The following FBXL7 variants were observed in gnomAD, a reference collection of about 807,000 sequenced individuals.
FBXL7 encodes F-box/LRR-repeat protein 7.
Under a neutral mutation model 38.3 loss-of-function variants are expected in FBXL7, and 12 were observed. That is an observed-to-expected ratio of 0.31 (90% CI 0.20 to 0.51). The LOEUF is 0.51. FBXL7 is among the 20% of genes least tolerant of loss of function. The pLI, the probability that FBXL7 is intolerant of heterozygous loss-of-function variation, is 0.98. For missense variants in FBXL7, 567 were observed against 676.4 expected (o/e 0.84, Z 1.79); for synonymous variants, 297 against 300.9 (o/e 0.99, Z 0.13).
At chr5:15,779,851 A>G (rs964201348) in intron 2 of FBXL7, among the ~76,000 whole-genome samples, 2 of 152,170 alleles carry the variant, frequency 1.3e-5, no homozygotes, top group South Asian at 2.1e-4. Flanking sequence ...AAGCAATTTC[A>G]TTTTGAAGAT....
intron 1 of FBXL7, among the ~76,000 whole-genome samples, chr5:15,560,311 ATAGT>A (rs1322765140): frequency 1.3e-5 from 2 of 152,182 alleles, no homozygotes; most frequent in East Asian, 1.9e-4. Context: ...AAATGCTATA[ATAGT>A]TAGTTAAAAT....
At chr5:15,856,513 A>G (rs1370109151) in intron 2 of FBXL7, among the ~76,000 whole-genome samples, 14 of 152,064 alleles carry the variant, frequency 9.2e-5, no homozygotes, top group South Asian at 6.2e-4. Context: ...AAGTTTACCT[A>G]TATAACAAAC....
At chr5:15,784,007 T>C (rs910331287) in intron 2 of FBXL7, among the ~76,000 whole-genome samples, 1 of 152,192 alleles carries the variant, frequency 6.6e-6, no homozygotes, top group African/African-American at 2.4e-5. Context: ...AGGTCTAGCA[T>C]GGTGGCCCCA....
At chr5:15,904,086 C>T (rs1505032) in intron 2 of FBXL7, among the ~76,000 whole-genome samples, 9,042 of 152,112 alleles carry the variant, frequency 0.059, 905 homozygotes, top group African/African-American at 0.21. Flanking sequence ...TCTAAATCTT[C>T]GTAGCTACAT....
At chr5:15,823,402 T>C (rs1318503696) in intron 2 of FBXL7, among the ~76,000 whole-genome samples, 1 of 152,240 alleles carries the variant, frequency 6.6e-6, no homozygotes, top group Non-Finnish European at 1.5e-5. Flanking sequence ...AATGGGTTTA[T>C]GTTTCAAAGC....
At chr5:15,702,565 C>CA (rs1180527180) in intron 2 of FBXL7, among the ~76,000 whole-genome samples, 1 of 152,020 alleles carries the variant, frequency 6.6e-6, no homozygotes, top group African/African-American at 2.4e-5. Context: ...TTTTATTGAA[C>CA]AATATATTTT....
chr5:15,549,771 A>G (rs960828156), intron 1 of FBXL7, among the ~76,000 whole-genome samples: 1 of 152,170 alleles, frequency 6.6e-6, no homozygotes, highest in African/African-American at 2.4e-5. Context: ...TCTTTCAAAA[A>G]GTTTTTGCAT....
chr5:15,543,925 C>T (rs1031550456), intron 1 of FBXL7, among the ~76,000 whole-genome samples: 1 of 152,150 alleles, frequency 6.6e-6, no homozygotes, highest in South Asian at 2.1e-4. Flanking sequence ...GGAGGCAAGA[C>T]TCAACTCCGG....
At chr5:15,927,817 C>T in intron 2 of FBXL7, 73 bp from the exon 3 acceptor site, 4 of 1,068,572 alleles carry the variant, frequency 3.7e-6, no homozygotes, top group South Asian at 6.0e-5. Context: ...AGAAAGAAAC[C>T]AGTGCTTTTG....
chr5:15,848,887 T>G (rs1449834450), intron 2 of FBXL7, among the ~76,000 whole-genome samples: 3 of 152,224 alleles, frequency 2.0e-5, no homozygotes, highest in Admixed American at 6.5e-5. Flanking sequence ...CACTGAATTT[T>G]TGACTGTTTA....
At chr5:15,531,873 C>T (rs943154048) in intron 1 of FBXL7, among the ~76,000 whole-genome samples, 1 of 152,206 alleles carries the variant, frequency 6.6e-6, no homozygotes, top group African/African-American at 2.4e-5. Context: ...CCTCTTCTTG[C>T]TGTTCCTCTG....
intron 2 of FBXL7, among the ~76,000 whole-genome samples, chr5:15,829,046 A>G (rs1368537007): frequency 6.6e-6 from 1 of 152,226 alleles, no homozygotes; most frequent in African/African-American, 2.4e-5. Context: ...ATGGTGAAAG[A>G]TTCATGATCT....
intron 2 of FBXL7, among the ~76,000 whole-genome samples, chr5:15,885,054 G>A (rs187433820): frequency 6.6e-6 from 1 of 152,148 alleles, no homozygotes; most frequent in East Asian, 1.9e-4. Context: ...ACTGCTTGGC[G>A]CCAGCTGCAT....
At chr5:15,525,231 T>A (rs2126381276) in intron 1 of FBXL7, among the ~76,000 whole-genome samples, 1 of 152,350 alleles carries the variant, frequency 6.6e-6, no homozygotes, top group African/African-American at 2.4e-5. Flanking sequence ...AACAATTCTT[T>A]ATTTTTATTC....
Position 15,933,196 on chromosome 5 carries a change from A to C in FBXL7, c.740-3254A>C, listed in dbSNP as rs62348109. Among the ~76,000 whole-genome samples the C allele has an allele frequency of 2.6e-5, 4 of 152,296 alleles. No homozygotes were observed. The East Asian group carries it at 7.7e-4, about 29-fold the overall frequency. ...TCTATAAGAGTTTGGGCAAAACCTA[A>C]AATCTAAAATTATTGATCTAAAATA... On this transcript the variant is annotated intron_variant, in intron 3 of 3. Transcript: ENST00000504595.
intron 2 of FBXL7, among the ~76,000 whole-genome samples, chr5:15,729,083 C>T (rs768315521): frequency 1.3e-4 from 20 of 151,984 alleles, no homozygotes; most frequent in Admixed American, 1.2e-3. Context: ...ACTTCTACAC[C>T]GTTAATATAT....
intron 2 of FBXL7, among the ~76,000 whole-genome samples, chr5:15,919,011 G>A (rs908173142): frequency 6.6e-6 from 1 of 152,164 alleles, no homozygotes; most frequent in Admixed American, 6.5e-5. Context: ...GAAGAAAAAC[G>A]ATCGCTCAGA....
chr5:15,710,043 C>A (rs1267746357), intron 2 of FBXL7, among the ~76,000 whole-genome samples: 1 of 152,152 alleles, frequency 6.6e-6, no homozygotes, highest in Non-Finnish European at 1.5e-5. Context: ...ACTTTAAGAT[C>A]TCCTAATTGG....
At chr5:15,742,545 CTGTCTAGA>C (rs1196297678) in intron 2 of FBXL7, among the ~76,000 whole-genome samples, 4 of 152,152 alleles carry the variant, frequency 2.6e-5, no homozygotes, top group African/African-American at 9.7e-5. Context: ...GCTAAAGATG[CTGTCTAGA>C]ATTGCTGTAG....
Sources: allele counts gnomAD v4.1 joint callset (sites outside exome capture counted in the v4.1 genomes callset), GRCh38; gene constraint gnomAD v4.1.1; transcripts MANE v1.5; gene names NCBI Gene and HGNC (gene_info 2026-07-23, HGNC 2026-07-21).